EXOC4: variants seen among roughly 807,000 people sequenced by gnomAD.
EXOC4 encodes the protein SEC8-like 1.
Under a neutral mutation model 107.2 loss-of-function variants are expected in EXOC4, and 71 were observed. That is an observed-to-expected ratio of 0.66 (90% CI 0.55 to 0.81). The LOEUF is 0.81. EXOC4 is among the 30% of genes least tolerant of loss of function. The probability of loss-of-function intolerance (pLI) is 0.00; values close to 1 mark genes in which losing one functional copy is unlikely to be tolerated. For synonymous variants in EXOC4, 456 were observed against 441.2 expected, an observed-to-expected ratio of 1.03 and a Z score of -0.42; for missense variants, 1,108 against 1,189.6, an observed-to-expected ratio of 0.93 and a Z score of 1.01.
intron 11 of EXOC4, among the ~76,000 whole-genome samples, chr7:133,862,730 A>G (rs1391198212): frequency 6.6e-6 from 1 of 152,170 alleles, no homozygotes; most frequent in Non-Finnish European, 1.5e-5. Flanking sequence ...ATACATATAC[A>G]TGCATACATA....
chr7:133,464,818 T>TTTG (rs1798685823), intron 7 of EXOC4, among the ~76,000 whole-genome samples: 4 of 116,308 alleles, frequency 3.4e-5, no homozygotes, highest in Non-Finnish European at 5.4e-5. Context: ...TTGGTTTTTT[T>TTTG]TTTTTTTTTT....
intron 7 of EXOC4, among the ~76,000 whole-genome samples, chr7:133,389,024 C>T (rs1796792151): frequency 6.6e-6 from 1 of 152,048 alleles, no homozygotes; most frequent in Non-Finnish European, 1.5e-5. Flanking sequence ...GACGTAATTA[C>T]TTCATAGGTA....
intron 10 of EXOC4, among the ~76,000 whole-genome samples, chr7:133,742,563 A>G (rs918046116): frequency 2.0e-5 from 3 of 152,236 alleles, no homozygotes; most frequent in African/African-American, 4.8e-5. Flanking sequence ...AAAGTATTTT[A>G]GAAGTATTTT....
At chr7:133,393,489 G>A (rs1198178054) in intron 7 of EXOC4, among the ~76,000 whole-genome samples, 2 of 152,140 alleles carry the variant, frequency 1.3e-5, no homozygotes, top group Non-Finnish European at 2.9e-5. Flanking sequence ...ATTTGCTATA[G>A]ACTGAATGTT....
chr7:133,334,348 A>G (rs1795461864), intron 5 of EXOC4, among the ~76,000 whole-genome samples: 1 of 152,172 alleles, frequency 6.6e-6, no homozygotes, highest in Non-Finnish European at 1.5e-5. Context: ...GGAGTTAAAT[A>G]TATCTTTTCT....
intron 11 of EXOC4, among the ~76,000 whole-genome samples, chr7:133,840,325 T>C (rs1366898652): frequency 6.6e-6 from 1 of 151,996 alleles, no homozygotes; most frequent in Admixed American, 6.6e-5. Context: ...ACAGGCAAAA[T>C]TAAGCTATAT....
chr7:133,441,699 C>T (rs550834617), intron 7 of EXOC4, among the ~76,000 whole-genome samples: 62 of 152,136 alleles, frequency 4.1e-4, no homozygotes, highest in Non-Finnish European at 8.4e-4. Flanking sequence ...CACCGTGCTC[C>T]GCCTCTAGTT....
intron 11 of EXOC4, among the ~76,000 whole-genome samples, chr7:133,835,137 T>C (rs993355250): frequency 6.6e-6 from 1 of 152,194 alleles, no homozygotes; most frequent in Non-Finnish European, 1.5e-5. Context: ...TATGCCTTTA[T>C]CAGCAGTGTG....
chr7:133,788,641 C>T (rs958853767), intron 10 of EXOC4, among the ~76,000 whole-genome samples: 11 of 152,074 alleles, frequency 7.2e-5, no homozygotes, highest in South Asian at 2.1e-4. Context: ...TACAGGTGCC[C>T]GCCACCACGC....
At chr7:133,793,956 A>G (rs1796759856) in intron 10 of EXOC4, among the ~76,000 whole-genome samples, 2 of 152,238 alleles carry the variant, frequency 1.3e-5, no homozygotes, top group Admixed American at 1.3e-4. Context: ...GGTCTCAAAT[A>G]TACAACTCCA....
chr7:134,030,248 C>T (rs143702371), intron 17 of EXOC4, among the ~76,000 whole-genome samples: 5 of 152,288 alleles, frequency 3.3e-5, no homozygotes, highest in Admixed American at 6.5e-5. Context: ...AAATGAAAAG[C>T]ATGTGTCCAC....
chr7:133,339,308 A>G (rs1181629269), intron 5 of EXOC4, among the ~76,000 whole-genome samples: 1 of 152,066 alleles, frequency 6.6e-6, no homozygotes, highest in Non-Finnish European at 1.5e-5. Flanking sequence ...GTCAAAGATC[A>G]GTTGGTTGTA....
At chr7:133,310,416 T>C (rs1245346944) in intron 4 of EXOC4, among the ~76,000 whole-genome samples, 2 of 152,168 alleles carry the variant, frequency 1.3e-5, no homozygotes, top group East Asian at 1.9e-4. Flanking sequence ...TAGAATAACA[T>C]TGTGTCCTTC....
intron 10 of EXOC4, among the ~76,000 whole-genome samples, chr7:133,789,543 T>C (rs183414257): frequency 2.6e-5 from 4 of 152,340 alleles, no homozygotes; most frequent in African/African-American, 9.6e-5. Flanking sequence ...GAAAGAAGAC[T>C]GGGTGAGGAT....
chr7:133,751,589 G>A (rs1795794205), intron 10 of EXOC4, among the ~76,000 whole-genome samples: 1 of 152,132 alleles, frequency 6.6e-6, no homozygotes, highest in Admixed American at 6.6e-5. Flanking sequence ...ATGTAAGTGA[G>A]CAAATCTCCA....
intron 7 of EXOC4, among the ~76,000 whole-genome samples, chr7:133,426,667 C>A (rs1797733939): frequency 6.6e-6 from 1 of 152,200 alleles, no homozygotes; most frequent in Admixed American, 6.5e-5. Context: ...ATTTTAAAGA[C>A]AGTATTTGTA....
chr7:134,077,460 C>T, the EXOC4 span, among the ~76,000 whole-genome samples: 1 of 152,198 alleles, frequency 6.6e-6, no homozygotes, highest in Non-Finnish European at 1.5e-5. Context: ...ATCTGGGCAT[C>T]CCTTAGCTCA....
chr7:133,695,943 A>C (rs1456665796), intron 10 of EXOC4, among the ~76,000 whole-genome samples: 1 of 152,236 alleles, frequency 6.6e-6, no homozygotes, highest in East Asian at 1.9e-4. Flanking sequence ...ATGTTTTATT[A>C]TATGAAGATT....
chr7:133,693,074 T>G (rs1794455621), intron 10 of EXOC4, among the ~76,000 whole-genome samples: 1 of 152,180 alleles, frequency 6.6e-6, no homozygotes, highest in African/African-American at 2.4e-5. Context: ...AAGGGGAATT[T>G]AGTAAGAAGT....
Sources: allele counts gnomAD v4.1 joint callset (sites outside exome capture counted in the v4.1 genomes callset), GRCh38; gene constraint gnomAD v4.1.1; transcripts MANE v1.5; gene names NCBI Gene and HGNC (gene_info 2026-07-23, HGNC 2026-07-21).